Variants in MEGF9 observed in about 807,000 individuals in gnomAD.
MEGF9 encodes the protein multiple epidermal growth factor-like domains protein 9.
MEGF9 carries 6 observed loss-of-function variants against 46.8 expected under a neutral mutation model. The ratio of observed to expected loss-of-function variants is 0.13; its 90% CI spans 0.07 to 0.25. The LOEUF is 0.25. Among genes scored for constraint, MEGF9 ranks in the 10% least tolerant of loss-of-function variants. The pLI, the probability that MEGF9 is intolerant of heterozygous loss-of-function variation, is 1.00. For synonymous variants in MEGF9, 302 were observed against 330.7 expected (o/e 0.91, Z 0.94); for missense variants, 683 against 792.4 (o/e 0.86, Z 1.66).
chr9:120,653,652 G>T (rs540272798), intron 2 of MEGF9, among the ~76,000 whole-genome samples: 1 of 152,134 alleles, frequency 6.6e-6, no homozygotes, highest in East Asian at 1.9e-4. Context: ...GATTACAGGC[G>T]TGGGCCACCG....
At chr9:120,702,953 G>A (rs1246284415) in intron 1 of MEGF9, among the ~76,000 whole-genome samples, 1 of 152,144 alleles carries the variant, frequency 6.6e-6, no homozygotes, top group South Asian at 2.1e-4. Flanking sequence ...AAGAACTTAG[G>A]ATCCCACATC....
intron 1 of MEGF9, chr9:120,689,949 C>CT (rs750812100): frequency 3.8e-6 from 2 of 532,532 alleles, no homozygotes; most frequent in Non-Finnish European, 7.7e-6. Context: ...TTCTGAGACT[C>CT]TAAGATTCAT....
intron 1 of MEGF9, among the ~76,000 whole-genome samples, chr9:120,665,429 T>G (rs1158175886): frequency 1.3e-5 from 2 of 152,106 alleles, no homozygotes; most frequent in Non-Finnish European, 2.9e-5. Context: ...AGTCTTGAAC[T>G]CCTGACCTCG....
chr9:120,663,424 C>T (rs566067562), intron 1 of MEGF9, among the ~76,000 whole-genome samples: 28 of 152,212 alleles, frequency 1.8e-4, no homozygotes, highest in Non-Finnish European at 3.2e-4. Context: ...GACATTTGTG[C>T]GGAACCAGAT....
chr9:120,665,786 G>C (rs965951786), intron 1 of MEGF9, among the ~76,000 whole-genome samples: 5 of 152,118 alleles, frequency 3.3e-5, no homozygotes, highest in African/African-American at 1.2e-4. Context: ...TGAAAGATAG[G>C]AAGTCTAGTT....
intron 3 of MEGF9, among the ~76,000 whole-genome samples, chr9:120,615,288 CAT>C (rs1491293077): frequency 2.9e-5 from 4 of 137,060 alleles, no homozygotes; most frequent in Admixed American, 2.8e-4. Flanking sequence ...TGTGTGTGTG[CAT>C]GTGTGTGTAC....
chr9:120,708,372 A>C (rs143187166), intron 1 of MEGF9, among the ~76,000 whole-genome samples: 3,610 of 152,286 alleles, frequency 0.024, 152 homozygotes, highest in African/African-American at 0.083. Context: ...TCCAAAAACA[A>C]AACAAAACAA....
Position 120,604,050 on chromosome 9 carries a change from T to A in MEGF9, c.*1140A>T, listed in dbSNP as rs1425527023. 1 of 152,650 alleles carries A rather than the reference T, an allele frequency of 6.6e-6. No homozygotes were observed. The highest frequency in any genetic ancestry group is 2.4e-5 in the African/African-American group (1 of 41,460). The allele number at this position is 152,650 out of a possible 1,614,324, so 9.5% of individuals were successfully genotyped here. On this transcript the variant is annotated 3_prime_UTR_variant, in exon 6 of 6. Coordinates refer to ENST00000373930, the MANE Select transcript of MEGF9 (RefSeq NM_001080497.3). ...AATGAGGATATGTTTTATATTAATC[T>A]ATGTAAAATATATAGGGTGGCTAAT...
rs947071705 is a variant in MEGF9, at chr9:120,608,142, C to T, written c.1088-132G>A. 18 of 1,062,016 alleles carry T rather than the reference C, an allele frequency of 1.7e-5. No individual in the cohort carries two copies. In the African/African-American group the frequency reaches 2.4e-4, roughly 14 times the overall value. The allele number at this position is 1,062,016 out of a possible 1,614,324, so 65.8% of individuals were successfully genotyped here. A position where few individuals can be genotyped will look rare whatever the true frequency, so the allele number is the denominator to read the frequency against. ...GCCAAGGTGGAAGGATCGCTTGAGC[C>T]CAGGAGTTTGAGACCAGCCTGGGCA... is the stretch of plus-strand genomic sequence containing the variant. On this transcript the variant is annotated intron_variant, in intron 4 of 5. Transcript: ENST00000373930.
intron 2 of MEGF9, among the ~76,000 whole-genome samples, chr9:120,636,470 A>G (rs564885699): frequency 1.3e-5 from 2 of 152,224 alleles, no homozygotes; most frequent in Non-Finnish European, 2.9e-5. Flanking sequence ...CATAATACTC[A>G]AAAAGAGTAC....
intron 1 of MEGF9, among the ~76,000 whole-genome samples, chr9:120,698,239 T>C (rs113424799): frequency 3.3e-4 from 50 of 152,360 alleles, no homozygotes; most frequent in African/African-American, 1.1e-3. Flanking sequence ...ATTTTATTTT[T>C]ACTTTACTAG....
At chr9:120,649,721 C>T (rs547780330) in intron 2 of MEGF9, among the ~76,000 whole-genome samples, 2 of 152,098 alleles carry the variant, frequency 1.3e-5, no homozygotes, top group African/African-American at 4.8e-5. Context: ...GGTGATGTTT[C>T]TATGACCAGA....
intron 2 of MEGF9, among the ~76,000 whole-genome samples, chr9:120,647,387 C>T (rs1365157757): frequency 7.2e-5 from 11 of 152,084 alleles, no homozygotes; most frequent in African/African-American, 2.4e-4. Context: ...ATTTGTTTTT[C>T]CATGAACTTA....
Position 120,714,081 on chromosome 9 carries a change from G to T in MEGF9, c.278C>A (p.Ala93Glu). The T allele has an allele frequency of 7.9e-7, 1 of 1,264,232 alleles. No individual in the cohort carries two copies. Among genetic ancestry groups the T allele is most frequent in the Non-Finnish European group, 1.0e-6 (1 of 1,004,252 alleles). The allele number at this position is 1,264,232 out of a possible 1,614,324, so 78.3% of individuals were successfully genotyped here. ...CTCCGGGGACTGGGCTGGAGAAGTCGCAGCCAGGGGTCGGTGGACGGTGGC... is the reference window on the plus strand; with the variant it reads ...CTCCGGGGACTGGGCTGGAGAAGTCTCAGCCAGGGGTCGGTGGACGGTGGC... ...PRATVHRPLA[A>E]TSPAQSPETT... Residue 93 changes from alanine (A) to glutamate (E), a missense_variant, in exon 1 of 6, where the codon GCG (alanine) becomes GAG (glutamate). Around this residue, in one of 2 missense-constraint regions of MEGF9, gnomAD observed 370 missense variants for 371.3 expected, o/e 1.00. Transcript: ENST00000373930.
intron 3 of MEGF9, among the ~76,000 whole-genome samples, chr9:120,620,316 A>T (rs2043493320): frequency 6.6e-6 from 1 of 152,210 alleles, no homozygotes; most frequent in Non-Finnish European, 1.5e-5. Context: ...GTTGTTACTC[A>T]GTATTGAAAA....
intron 1 of MEGF9, among the ~76,000 whole-genome samples, chr9:120,678,463 T>C (rs1205066559): frequency 1.3e-5 from 2 of 151,982 alleles, no homozygotes; most frequent in Non-Finnish European, 2.9e-5. Context: ...CTGTCTGACT[T>C]GTGGGGGATT....
At chr9:120,628,468 G>GTTTTTTTTTTT (rs1170322238) in intron 2 of MEGF9, among the ~76,000 whole-genome samples, 1 of 69,062 alleles carries the variant, frequency 1.4e-5, no homozygotes, top group Admixed American at 2.2e-4. Context: ...TCTTGTCGTT[G>GTTTTTTTTTTT]TTTTTTTTTT....
rs903347855 is a variant in MEGF9, at chr9:120,601,157, G to A, written c.*4033C>T. 2 of 152,618 alleles carry A rather than the reference G, an allele frequency of 1.3e-5. No individual in the cohort carries two copies. Among genetic ancestry groups the A allele is most frequent in the Admixed American group, 6.5e-5 (1 of 15,282 alleles). 9.5% of individuals were successfully genotyped at this position (152,618 alleles called of 1,614,324 possible). ...CCTATAATTTAATGTATTATAGAGT[G>A]CTTATGCCTAGCATTACAACTTGAC... is the stretch of plus-strand genomic sequence containing the variant. On this transcript the variant is annotated 3_prime_UTR_variant, in exon 6 of 6. Coordinates refer to ENST00000373930, the MANE Select transcript of MEGF9 (RefSeq NM_001080497.3).
chr9:120,655,539 T>C (rs2043672761), intron 2 of MEGF9, among the ~76,000 whole-genome samples: 1 of 152,228 alleles, frequency 6.6e-6, no homozygotes, highest in Non-Finnish European at 1.5e-5. Flanking sequence ...AATAATATTA[T>C]AGGTCTCTTC....
Sources: allele counts gnomAD v4.1 joint callset (sites outside exome capture counted in the v4.1 genomes callset), GRCh38; gene constraint gnomAD v4.1.1; regional missense constraint gnomAD v4.1.1; transcripts MANE v1.5; gene names NCBI Gene and HGNC (gene_info 2026-07-23, HGNC 2026-07-21).